ATP1A3: variants seen among roughly 807,000 people sequenced by gnomAD.
ATP1A3 encodes the protein sodium/potassium-transporting ATPase subunit alpha-3.
A neutral mutation model predicts 108.8 loss-of-function variants in ATP1A3; 12 were observed. The ratio of observed to expected loss-of-function variants is 0.11; its 90% confidence interval spans 0.07 to 0.18. The LOEUF is 0.18. ATP1A3 is among the 10% of genes least tolerant of loss of function. ATP1A3 has a pLI of 1.00. For synonymous variants in ATP1A3, 539 were observed against 564.5 expected, an observed-to-expected ratio of 0.95 and a Z score of 0.64; for missense variants, 498 against 1,387.7, an observed-to-expected ratio of 0.36 and a Z score of 10.19.
Position 41,981,415 on chromosome 19 carries a change from G to C in ATP1A3, c.1437+87C>G. On this transcript the variant is annotated intron_variant, in intron 11 of 22. Coordinates refer to ENST00000648268, the MANE Select transcript of ATP1A3 (RefSeq NM_152296.5). This position sits in a 1 kb window ranked among gnomAD's most constrained non-coding sequence, Gnocchi z 5.0. The stretch of plus-strand genomic sequence containing the variant: ...GTATTATCATTCCCATTTTACAGAC[G>C]GGAAAATCAAGGCTCTATGACACCT... 3 of 1,597,354 alleles carry C rather than the reference G, an allele frequency of 1.9e-6. No homozygotes were observed. Among genetic ancestry groups the C allele is most frequent in the Non-Finnish European group, 2.6e-6 (3 of 1,166,252 alleles).
intron 1 of ATP1A3, chr19:41,990,939 G>A (rs1323917862): frequency 6.6e-6 from 1 of 152,232 alleles, no homozygotes; most frequent in African/African-American, 2.4e-5. Context: ...CTCTCTCTGG[G>A]ATCTTCCATG....
chr19:41,991,402 C>G (rs2075337232), intron 1 of ATP1A3, among the ~76,000 whole-genome samples: 1 of 152,168 alleles, frequency 6.6e-6, no homozygotes, highest in South Asian at 2.1e-4. Flanking sequence ...TGCAGCAGCA[C>G]TGCGTCTCAG....
At chr19:41,986,598 C>A (rs922381923) in intron 4 of ATP1A3, 1 of 290,250 alleles carries the variant, frequency 3.4e-6, no homozygotes, top group Non-Finnish European at 6.7e-6. Context: ...CATGCCACCA[C>A]ACCTGGCTAA....
rs559103129 is a variant in ATP1A3 at position 41,981,589 on chromosome 19, G to A, written c.1350C>T (p.Ile450=). 2.0e-5 allele frequency: 32 copies of A among 1,614,168 alleles called. No homozygotes were observed. In the Admixed American group the frequency reaches 5.0e-4, roughly 25 times the overall value. ...GCTTCACGGAGCCAGAGGACAGCTCGATGCACTTGAGCAGGGCAGACTCAG... is the reference window on the plus strand; with the variant it reads ...GCTTCACGGAGCCAGAGGACAGCTCAATGCACTTGAGCAGGGCAGACTCAG... ...DASESALLKC[I]ELSSGSVKLM... The change falls in exon 11 of 23, where the codon ATC becomes ATT. Residue 450 remains isoleucine (I), a synonymous_variant. Transcript: ENST00000648268. The surrounding 1 kb of genome is among the most constrained non-coding windows in gnomAD (Gnocchi z 5.0).
chr19:41,991,540 G>A (rs1555867374), intron 1 of ATP1A3, among the ~76,000 whole-genome samples: 1 of 152,192 alleles, frequency 6.6e-6, no homozygotes, highest in African/African-American at 2.4e-5. Flanking sequence ...ATGGAGAGAT[G>A]TGGAGCTACA....
At position 41,978,843 on chromosome 19, in the gene ATP1A3, C is replaced by T. The variant is rs1376256488; in HGVS notation, c.1438-45G>A. 1.9e-6 allele frequency: 3 copies of T among 1,603,378 alleles called. No individual in the cohort carries two copies. The highest frequency in any genetic ancestry group is 2.6e-6 in the Non-Finnish European group (3 of 1,171,938). On this transcript the variant is annotated intron_variant, in intron 11 of 22. Transcript: ENST00000648268. This position sits in a 1 kb window ranked among gnomAD's most constrained non-coding sequence, Gnocchi z 8.3. Reference sequence around the variant, plus strand: ...TGGCGTGCCTGAGCCACGCAGACACCAGGAAGCTCCCTGCCCCATCCTGTC... The same window carrying T: ...TGGCGTGCCTGAGCCACGCAGACACTAGGAAGCTCCCTGCCCCATCCTGTC...
rs782607166 is a variant in ATP1A3, at chr19:41,981,695, C to A, written c.1302+27G>T. The A allele has an allele frequency of 6.2e-7, 1 of 1,614,146 alleles. No homozygotes were observed. Among genetic ancestry groups the A allele is most frequent in the South Asian group, 1.1e-5 (1 of 91,078 alleles). On this transcript the variant is annotated intron_variant, in intron 10 of 22. Coordinates refer to ENST00000648268, the MANE Select transcript of ATP1A3 (RefSeq NM_152296.5). The surrounding 1 kb of genome is among the most constrained non-coding windows in gnomAD (Gnocchi z 5.0). The stretch of plus-strand genomic sequence containing the variant: ...GCTGAGGGGAGGACACAGGCAGGGC[C>A]GAGGTGAGGCCAGTAGCTGAACCCA...
In ATP1A3 at chr19:41,978,813, G is replaced by C; in HGVS notation, c.1438-15C>G. On this transcript the variant is annotated splice_polypyrimidine_tract_variant and intron_variant, in intron 11 of 22. Transcript: ENST00000648268. The surrounding 1 kb of genome is among the most constrained non-coding windows in gnomAD (Gnocchi z 8.3). ...TGGATGGAGAGCTGGGGACCGATCA[G>C]AGGGTGGCGTGCCTGAGCCACGCAG... The C allele has an allele frequency of 6.2e-7, 1 of 1,613,298 alleles. No individual in the cohort carries two copies. Among genetic ancestry groups the C allele is most frequent in the African/African-American group, 1.3e-5 (1 of 74,984 alleles).
In ATP1A3 at chr19:41,978,927, T is replaced by C. The variant is rs1227206967; in HGVS notation, c.1438-129A>G. On this transcript the variant is annotated intron_variant, in intron 11 of 22. Transcript: ENST00000648268. This position sits in a 1 kb window ranked among gnomAD's most constrained non-coding sequence, Gnocchi z 8.3. ...CACACCAGGGCTCCCCCACACTCTC[T>C]CACAGAGACCTCTGCTCATTCCTGT... The C allele has an allele frequency of 1.3e-6, 1 of 765,104 alleles. No individual in the cohort carries two copies. The highest frequency in any genetic ancestry group is 1.7e-5 in the African/African-American group (1 of 57,668). The allele number at this position is 765,104 out of a possible 1,614,324, so 47.4% of individuals were successfully genotyped here.
At chr19:41,974,123 C>T (rs1456545089) in intron 16 of ATP1A3, among the ~76,000 whole-genome samples, 2 of 151,972 alleles carry the variant, frequency 1.3e-5, no homozygotes, top group African/African-American at 2.4e-5. Context: ...TCTAGCTACT[C>T]GGGAGGCTGA....
chr19:41,985,806 G>T lies in ATP1A3; in HGVS notation c.606+58C>A. The T allele has an allele frequency of 1.2e-6, 2 of 1,605,230 alleles. No homozygotes were observed. The highest frequency in any genetic ancestry group is 1.1e-5 in the South Asian group (1 of 90,820). On this transcript the variant is annotated intron_variant, in intron 6 of 22. Coordinates refer to ENST00000648268, the MANE Select transcript of ATP1A3 (RefSeq NM_152296.5). This position sits in a 1 kb window ranked among gnomAD's most constrained non-coding sequence, Gnocchi z 8.2. ...CTGAGTGTGAGGGAGGAGGGGCTGGGCCTGAGCTCCTGGGCAGCCCGAGGG... is the reference window on the plus strand; with the variant it reads ...CTGAGTGTGAGGGAGGAGGGGCTGGTCCTGAGCTCCTGGGCAGCCCGAGGG...
chr19:41,968,477 C>T lies in ATP1A3; in HGVS notation c.2819+308G>A, dbSNP rs1164742459. ...TGAGCCAAGATTGTGCCACTGCACT[C>T]CAGCCTGGGCAACAGAGCAAGACTC... On this transcript the variant is annotated intron_variant, in intron 20 of 22. Coordinates refer to ENST00000648268, the MANE Select transcript of ATP1A3 (RefSeq NM_152296.5). The surrounding 1 kb of genome is among the most constrained non-coding windows in gnomAD (Gnocchi z 5.0). 6.6e-6 allele frequency among the ~76,000 whole-genome samples: 1 copy of T among 152,122 alleles called. No homozygotes were observed. Among genetic ancestry groups the T allele is most frequent in the African/African-American group, 2.4e-5 (1 of 41,434 alleles).
chr19:41,985,986 T>A lies in ATP1A3; in HGVS notation c.484A>T (p.Ile162Phe), dbSNP rs2075282776. ...KNMVPQQALVIREGEKMQVNA... is the reference protein window; with the variant it reads ...KNMVPQQALVFREGEKMQVNA... ...ACCTGCATCTTCTCACCTTCCCGGA[T>A]CACCAGGGCTTGCTGAGGTGGGATG... The change falls in exon 6 of 23, where the codon ATC (isoleucine) becomes TTC (phenylalanine). Residue 162 changes from isoleucine to phenylalanine, a missense_variant. Around this residue, in one of 9 missense-constraint regions of ATP1A3, gnomAD observed 127 missense variants for 464.0 expected, o/e 0.27. Transcript: ENST00000648268. The surrounding 1 kb of genome is among the most constrained non-coding windows in gnomAD (Gnocchi z 8.2). The A allele has an allele frequency of 2.5e-6, 4 of 1,614,100 alleles. No homozygotes were observed. The highest frequency in any genetic ancestry group is 3.4e-6 in the Non-Finnish European group (4 of 1,180,000).
chr19:41,993,833 C>T (rs2075362881), intron 1 of ATP1A3: 1 of 730,644 alleles, frequency 1.4e-6, no homozygotes. Flanking sequence ...ATGCTGAGGG[C>T]TGGCCCACAA....
In ATP1A3 at chr19:41,968,775, C is replaced by A; in HGVS notation, c.2819+10G>T. 6.2e-7 allele frequency: 1 copy of A among 1,613,654 alleles called. No homozygotes were observed. The highest frequency in any genetic ancestry group is 8.5e-7 in the Non-Finnish European group (1 of 1,179,624). On this transcript the variant is annotated intron_variant, in intron 20 of 22. Transcript: ENST00000648268. The surrounding 1 kb of genome is among the most constrained non-coding windows in gnomAD (Gnocchi z 5.0). ...TGGCTGTCCAGTCACCATGTGCCCC[C>A]GGCCCTCACTTCATGCCCTGCTGGA...
chr19:41,992,265 C>G (rs782347076), intron 1 of ATP1A3, among the ~76,000 whole-genome samples: 1 of 152,160 alleles, frequency 6.6e-6, no homozygotes, highest in Non-Finnish European at 1.5e-5. Flanking sequence ...GCCAGACCCC[C>G]TTGGGGAGCA....
At position 41,985,378 on chromosome 19, in the gene ATP1A3, A is replaced by T. The variant is rs782150714; in HGVS notation, c.652T>A (p.Ser218Thr). Reference protein sequence around the residue: ...LTGESEPQTRSPDCTHDNPLE... With the variant: ...LTGESEPQTRTPDCTHDNPLE... ...GGGTTGTCGTGAGTGCAGTCGGGAG[A>T]GCGAGTCTGGGGCTCGGATTCGCCA... The change falls in exon 7 of 23, where the codon TCT becomes ACT. Residue 218 changes from serine to threonine, a missense_variant. By Grantham distance (58) the Ser-to-Thr change is moderately conservative. This residue lies in a region of ATP1A3 where 127 missense variants were observed against 464.0 expected (regional missense o/e 0.27). Coordinates refer to ENST00000648268, the MANE Select transcript of ATP1A3 (RefSeq NM_152296.5). The surrounding 1 kb of genome is among the most constrained non-coding windows in gnomAD (Gnocchi z 8.2). 4.3e-6 allele frequency: 7 copies of T among 1,614,000 alleles called. No individual in the cohort carries two copies. Among genetic ancestry groups the T allele is most frequent in the Admixed American group, 3.3e-5 (2 of 59,994 alleles).
intron 4 of ATP1A3, chr19:41,986,760 T>TAA: frequency 1.0e-5 from 1 of 95,596 alleles, no homozygotes; most frequent in South Asian, 2.3e-4. Flanking sequence ...TTTTTTTTTT[T>TAA]GAGACAGGGT....
Position 41,966,877 on chromosome 19 carries a change from A to ACAGGGGCGGTC in ATP1A3, c.*49_*59dup. Reference sequence around the variant, plus strand: ...CCAGAATACAAAATTGGGGGGACTGACAGGGGCGGTCCTGGGCCTGGGGGA... The same window carrying ACAGGGGCGGTC: ...CCAGAATACAAAATTGGGGGGACTGACAGGGGCGGTCCAGGGGCGGTCCTGGGCCTGGGGGA... On this transcript the variant is annotated 3_prime_UTR_variant, in exon 23 of 23. Coordinates refer to ENST00000648268, the MANE Select transcript of ATP1A3 (RefSeq NM_152296.5). 1 of 1,549,640 alleles carries ACAGGGGCGGTC rather than the reference A, an allele frequency of 6.5e-7. No individual in the cohort carries two copies. The highest frequency in any genetic ancestry group is 1.2e-5 in the South Asian group (1 of 84,014).
Sources: allele counts gnomAD v4.1 joint callset (sites outside exome capture counted in the v4.1 genomes callset), GRCh38; gene constraint gnomAD v4.1.1; regional missense constraint gnomAD v4.1.1; non-coding constraint Gnocchi (gnomAD v3.1); transcripts MANE v1.5; gene names NCBI Gene and HGNC (gene_info 2026-07-23, HGNC 2026-07-21).